Variants in NMD3 observed in about 807,000 individuals in gnomAD.
The protein encoded by NMD3 is 60S ribosomal export protein NMD3.
A neutral mutation model predicts 73.1 loss-of-function variants in NMD3; 47 were observed. The observed-to-expected ratio is 0.64, with a 90% confidence interval of 0.51 to 0.82. The LOEUF is 0.82. Ranked by LOEUF, NMD3 falls within the 40% of genes least tolerant of loss-of-function variation. The pLI is 0.00. For synonymous variants in NMD3, 210 were observed against 194.5 expected (o/e 1.08, Z -0.66); for missense variants, 554 against 612.5 (o/e 0.90, Z 1.01).
intron 9 of NMD3, among the ~76,000 whole-genome samples, chr3:161,240,298 TTTGA>T (rs1736917416): frequency 6.6e-6 from 1 of 152,120 alleles, no homozygotes; most frequent in African/African-American, 2.4e-5. Flanking sequence ...GGCTTAAATC[TTTGA>T]TTGTATATTG....
chr3:161,238,234 GA>G, intron 8 of NMD3, 43 bp downstream of exon 8: 1 of 1,175,928 alleles, frequency 8.5e-7, no homozygotes, highest in Non-Finnish European at 1.2e-6. Context: ...AAGGACTTGG[GA>G]ATGGATGCGG....
chr3:161,238,228 A>T, intron 8 of NMD3, 37 bp downstream of exon 8: 1 of 1,266,122 alleles, frequency 7.9e-7, no homozygotes, highest in Admixed American at 2.2e-5. Flanking sequence ...AAATCTAAGG[A>T]CTTGGGAATG....
rs970734812 is a variant in NMD3 at position 161,250,428 on chromosome 3, T to C, written c.1381+102T>C. ...AAGCTTTGATTCTCATAAATGTCTTTAATTGTTTTTTCAACTACTCTAGTC... is the reference window on the plus strand; with the variant it reads ...AAGCTTTGATTCTCATAAATGTCTTCAATTGTTTTTTCAACTACTCTAGTC... On this transcript the variant is annotated intron_variant, in intron 15 of 15. Transcript: ENST00000351193. The C allele has an allele frequency of 1.3e-5, 9 of 702,748 alleles. No individual in the cohort carries two copies. The South Asian group carries it at 1.4e-4, about 11-fold the overall frequency. 43.5% of individuals were successfully genotyped at this position (702,748 alleles called of 1,614,324 possible).
At chr3:161,224,289 T>A (rs1299997084) in intron 2 of NMD3, among the ~76,000 whole-genome samples, 2 of 152,238 alleles carry the variant, frequency 1.3e-5, no homozygotes, top group African/African-American at 4.8e-5. Flanking sequence ...ATGTGGCTAG[T>A]GGCTACCTTG....
intron 9 of NMD3, among the ~76,000 whole-genome samples, chr3:161,239,163 C>T (rs146514813): frequency 6.6e-6 from 1 of 151,948 alleles, no homozygotes; most frequent in African/African-American, 2.4e-5. Flanking sequence ...ACATTAAAAT[C>T]AATATTAGTG....
chr3:161,231,712 AG>A (rs2108081560), intron 4 of NMD3, among the ~76,000 whole-genome samples: 1 of 152,292 alleles, frequency 6.6e-6, no homozygotes, highest in South Asian at 2.1e-4. Flanking sequence ...GTCCAGTGAT[AG>A]GAAGAATCAG....
chr3:161,245,198 G>A (rs1737152588), intron 11 of NMD3, among the ~76,000 whole-genome samples: 1 of 151,650 alleles, frequency 6.6e-6, no homozygotes, highest in Non-Finnish European at 1.5e-5. Flanking sequence ...AAAATAACTT[G>A]TGATAATTTG....
chr3:161,249,824 C>A, intron 14 of NMD3: 1 of 472,228 alleles, frequency 2.1e-6, no homozygotes, highest in Non-Finnish European at 3.8e-6. Flanking sequence ...TATAATCATA[C>A]TTTGCTTAAC....
At chr3:161,252,591 C>T (rs1208223350), downstream of NMD3, among the ~76,000 whole-genome samples, 1 of 152,152 alleles carries the variant, frequency 6.6e-6, no homozygotes, top group African/African-American at 2.4e-5. Flanking sequence ...ATAAATCTAC[C>T]ATACTATATA....
In NMD3 at chr3:161,229,996, G is replaced by A. The variant is rs1055704140; in HGVS notation, c.276+2653G>A. On this transcript the variant is annotated intron_variant, in intron 4 of 15. Transcript: ENST00000351193. ...TGTCATTTAAATAGAAATTAAAATG[G>A]GAGAAGGAAGATAGACAGTTCTTTT... 3.3e-5 allele frequency among the ~76,000 whole-genome samples: 5 copies of A among 152,308 alleles called. No homozygotes were observed. The South Asian group carries it at 1.0e-3, about 32-fold the overall frequency.
At chr3:161,240,526 A>ATTTT (rs539406360) in intron 9 of NMD3, among the ~76,000 whole-genome samples, 2 of 111,724 alleles carry the variant, frequency 1.8e-5, no homozygotes, top group Non-Finnish European at 3.4e-5. Context: ...TGGGCCCTGG[A>ATTTT]TTTTTTTTTT....
chr3:161,239,405 G>T (rs1736885236), intron 9 of NMD3, among the ~76,000 whole-genome samples: 1 of 152,162 alleles, frequency 6.6e-6, no homozygotes, highest in African/African-American at 2.4e-5. Flanking sequence ...ATAGAAGGCT[G>T]TGTACTGAGG....
intron 7 of NMD3, among the ~76,000 whole-genome samples, chr3:161,237,071 A>G (rs1022766491): frequency 2.0e-5 from 3 of 152,172 alleles, no homozygotes; most frequent in Non-Finnish European, 2.9e-5. Flanking sequence ...GTTATTTGCA[A>G]GAATATCTTT....
intron 11 of NMD3, among the ~76,000 whole-genome samples, chr3:161,245,550 C>T (rs575231908): frequency 2.1e-4 from 31 of 151,168 alleles, no homozygotes; most frequent in Non-Finnish European, 4.0e-4. Flanking sequence ...TTTTTCATTT[C>T]TTTTTCTTTG....
Position 161,233,491 on chromosome 3 carries a change from A to C in NMD3, c.357+12A>C, listed in dbSNP as rs116816970. 5.8e-6 allele frequency: 9 copies of C among 1,544,620 alleles called. No homozygotes were observed. The Admixed American group carries it at 1.5e-4, about 27-fold the overall frequency. ...CTATTCAGAAAGAGGTAAGCAGTAC[A>C]TAATTTTCTCAGCATGGTTAAAGTG... is the stretch of plus-strand genomic sequence containing the variant. On this transcript the variant is annotated intron_variant, in intron 5 of 15. Coordinates refer to ENST00000351193, the MANE Select transcript of NMD3 (RefSeq NM_015938.5).
At chr3:161,233,370 C>G (rs374639560) in intron 4 of NMD3, 29 bp from the exon 5 acceptor site, 8 of 1,529,658 alleles carry the variant, frequency 5.2e-6, no homozygotes, top group Non-Finnish European at 6.3e-6. Context: ...TGAGAACTTA[C>G]GTTTCTTTTT....
In NMD3 at chr3:161,249,028, A is replaced by G. The variant is rs80277692; in HGVS notation, c.1204-426A>G. ...TTTTCATTCTATAATTTATTAAACA[A>G]GCGTTCTAAGATACATTGTTGTGAA... is the stretch of plus-strand genomic sequence containing the variant. On this transcript the variant is annotated intron_variant, in intron 13 of 15. Coordinates refer to ENST00000351193, the MANE Select transcript of NMD3 (RefSeq NM_015938.5). Among the ~76,000 whole-genome samples, 826 of 152,322 alleles carry G rather than the reference A, an allele frequency of 5.4e-3. 50 individuals carry two copies. The East Asian group carries it at 0.14, about 25-fold the overall frequency.
chr3:161,250,460 C>A, intron 15 of NMD3, 134 bp downstream of exon 15: 1 of 591,324 alleles, frequency 1.7e-6, no homozygotes, highest in Non-Finnish European at 2.9e-6. Flanking sequence ...AGTCACACTT[C>A]TACAAAAAAA....
chr3:161,233,350 T>C, intron 4 of NMD3, 49 bp from the exon 5 acceptor site: 1 of 1,313,540 alleles, frequency 7.6e-7, no homozygotes, highest in Non-Finnish European at 1.1e-6. Flanking sequence ...GTGTTTTTTT[T>C]CCTCCTAGGT....
Sources: allele counts gnomAD v4.1 joint callset (sites outside exome capture counted in the v4.1 genomes callset), GRCh38; gene constraint gnomAD v4.1.1; transcripts MANE v1.5; gene names NCBI Gene and HGNC (gene_info 2026-07-23, HGNC 2026-07-21).